Variants in FGF12 observed in about 807,000 individuals in gnomAD.
FGF12 encodes the protein fibroblast growth factor 12B.
A neutral mutation model predicts 23.6 loss-of-function variants in FGF12; 14 were observed. The ratio of observed to expected loss-of-function variants is 0.59; its 90% CI spans 0.39 to 0.93. The LOEUF is 0.93. FGF12 is among the 40% of genes least tolerant of loss of function. The probability of loss-of-function intolerance (pLI) is 0.00; values close to 1 mark genes in which losing one functional copy is unlikely to be tolerated. For missense variants in FGF12, 175 were observed against 217.8 expected (o/e 0.80, Z 1.24); for synonymous variants, 62 against 77.3 (o/e 0.80, Z 1.04).
chr3:192,377,749 G>A (rs1223134905), intron 2 of FGF12, among the ~76,000 whole-genome samples: 1 of 152,114 alleles, frequency 6.6e-6, no homozygotes, highest in Non-Finnish European at 1.5e-5. Context: ...ACTATGCAAG[G>A]AGCTTGGGAT....
chr3:192,301,520 G>A (rs1170785968), intron 4 of FGF12, among the ~76,000 whole-genome samples: 1 of 152,144 alleles, frequency 6.6e-6, no homozygotes, highest in African/African-American at 2.4e-5. Flanking sequence ...AGTTGACTTG[G>A]AGAGACAGGC....
At chr3:192,467,965 T>C (rs943221866) in intron 2 of FGF12, among the ~76,000 whole-genome samples, 1 of 151,972 alleles carries the variant, frequency 6.6e-6, no homozygotes, top group African/African-American at 2.4e-5. Context: ...TTACTAAAGT[T>C]CCCCTCCTCG....
intron 4 of FGF12, among the ~76,000 whole-genome samples, chr3:192,190,069 T>C (rs1245401271): frequency 1.3e-5 from 2 of 152,196 alleles, no homozygotes; most frequent in East Asian, 3.9e-4. Flanking sequence ...ACATAGTTTA[T>C]GAGAGCTAAG....
At chr3:192,183,279 G>A (rs1716280786) in intron 4 of FGF12, among the ~76,000 whole-genome samples, 1 of 152,042 alleles carries the variant, frequency 6.6e-6, no homozygotes, top group Non-Finnish European at 1.5e-5. Flanking sequence ...ATCCTTAGCA[G>A]AGCTAGAAAC....
intron 2 of FGF12, among the ~76,000 whole-genome samples, chr3:192,633,189 G>A (rs78316694): frequency 0.013 from 1,906 of 152,126 alleles, 52 homozygotes; most frequent in African/African-American, 0.044. Context: ...GGGATTACAG[G>A]TGCACATGAC....
At chr3:192,557,829 A>G (rs1355426432) in intron 2 of FGF12, among the ~76,000 whole-genome samples, 1 of 151,852 alleles carries the variant, frequency 6.6e-6, no homozygotes, top group East Asian at 1.9e-4. Context: ...CACATCATCA[A>G]CTCAATAGAT....
intron 5 of FGF12, among the ~76,000 whole-genome samples, chr3:192,155,278 A>G (rs557370019): frequency 1.6e-4 from 25 of 152,222 alleles, no homozygotes; most frequent in East Asian, 3.9e-4. Context: ...GGTCTTCTGC[A>G]TTGCTCACGC....
rs374080622 is a variant in FGF12, at chr3:192,561,584, G to C, written c.13+165597C>G. On this transcript the variant is annotated intron_variant, in intron 2 of 5. Coordinates refer to ENST00000445105, the MANE Select transcript of FGF12 (RefSeq NM_004113.6). Reference sequence around the variant, plus strand: ...TCACCGTGTTAGCCAGGATAGTCTCGATCTCCTGACCTTGTGATCCGCCCG... The same window carrying C: ...TCACCGTGTTAGCCAGGATAGTCTCCATCTCCTGACCTTGTGATCCGCCCG... Among the ~76,000 whole-genome samples the C allele has an allele frequency of 5.9e-5, 9 of 152,138 alleles. No homozygotes were observed. In the South Asian group the frequency reaches 6.2e-4, roughly 11 times the overall value.
At chr3:192,613,022 C>A (rs9865613) in intron 2 of FGF12, among the ~76,000 whole-genome samples, 34,860 of 151,454 alleles carry the variant, frequency 0.23, 4,087 homozygotes, top group African/African-American at 0.29. Context: ...CGCTGGTGAC[C>A]TTTCCCTGCT....
intron 3 of FGF12, among the ~76,000 whole-genome samples, chr3:192,352,798 T>G (rs4602335): frequency 0.32 from 49,013 of 151,994 alleles, 10,316 homozygotes; most frequent in East Asian, 0.61. Context: ...AGAGAGGGGT[T>G]AAATAACTAA....
intron 2 of FGF12, among the ~76,000 whole-genome samples, chr3:192,398,408 CAG>C (rs1484230371): frequency 7.1e-6 from 1 of 140,996 alleles, no homozygotes; most frequent in African/African-American, 2.7e-5. Flanking sequence ...TTTTCTGAGA[CAG>C]AGTCTTGCTT....
chr3:192,438,746 A>T (rs1722103186), intron 2 of FGF12, among the ~76,000 whole-genome samples: 1 of 152,216 alleles, frequency 6.6e-6, no homozygotes, highest in South Asian at 2.1e-4. Context: ...CTTGACCAGT[A>T]GGAGTGGAGT....
At chr3:192,469,379 T>C (rs934922687) in intron 2 of FGF12, among the ~76,000 whole-genome samples, 3 of 152,220 alleles carry the variant, frequency 2.0e-5, no homozygotes, top group South Asian at 4.1e-4. Flanking sequence ...TGTATGTCTA[T>C]CTATTAAATA....
At chr3:192,481,242 A>G (rs1723471418) in intron 2 of FGF12, among the ~76,000 whole-genome samples, 1 of 152,166 alleles carries the variant, frequency 6.6e-6, no homozygotes, top group African/African-American at 2.4e-5. Flanking sequence ...GGGTACGTTG[A>G]TATAAAATTT....
intron 2 of FGF12, among the ~76,000 whole-genome samples, chr3:192,644,393 G>C (rs1503588): frequency 0.54 from 81,942 of 151,776 alleles, 22,538 homozygotes; most frequent in East Asian, 0.67. Context: ...AACCCCTGTT[G>C]TCGTATATTT....
intron 5 of FGF12, among the ~76,000 whole-genome samples, chr3:192,161,072 C>A (rs1334623745): frequency 2.6e-5 from 4 of 152,056 alleles, no homozygotes; most frequent in African/African-American, 7.2e-5. Flanking sequence ...ACCACCCTTA[C>A]CTTTCCTTGT....
chr3:192,487,827 TA>T (rs1723679807), intron 2 of FGF12, among the ~76,000 whole-genome samples: 3 of 152,092 alleles, frequency 2.0e-5, no homozygotes. Context: ...TAAATGTTTC[TA>T]AAAGAATGTA....
At chr3:192,477,650 G>A (rs1380867130) in intron 2 of FGF12, among the ~76,000 whole-genome samples, 1 of 152,124 alleles carries the variant, frequency 6.6e-6, no homozygotes. Context: ...GTGGAGAGAG[G>A]GGAAGAGTCA....
chr3:192,362,928 G>A (rs1718798496), intron 2 of FGF12, among the ~76,000 whole-genome samples: 1 of 152,100 alleles, frequency 6.6e-6, no homozygotes. Context: ...AAACAATAGA[G>A]GGGAGGAAGA....
Sources: gnomAD v4.1 joint callset for allele counts (sites outside exome capture counted in the v4.1 genomes callset) on GRCh38, gnomAD v4.1.1 for gene constraint, MANE v1.5 for transcripts, NCBI Gene and HGNC (gene_info 2026-07-23, HGNC 2026-07-21) for gene names.